The following FLT1 variants were observed in gnomAD, a reference collection of about 807,000 sequenced individuals.
FLT1 encodes the protein vascular endothelial growth factor receptor 1.
In FLT1, 49 loss-of-function variants were observed where a neutral mutation model predicts 156.3. The observed-to-expected ratio is 0.31, with a 90% CI of 0.25 to 0.40. The LOEUF (loss-of-function observed/expected upper bound fraction) is 0.40, where lower values mean the gene tolerates loss of function less well. Ranked by LOEUF, FLT1 falls within the 10% of genes least tolerant of loss-of-function variation. The pLI, the probability that FLT1 is intolerant of heterozygous loss-of-function variation, is 1.00. For missense variants in FLT1, 1,322 were observed against 1,637.2 expected (o/e 0.81, Z 3.32); for synonymous variants, 594 against 583.8 (o/e 1.02, Z -0.25).
chr13:28,428,142 C>T (rs780491095), intron 8 of FLT1, among the ~76,000 whole-genome samples: 10 of 152,018 alleles, frequency 6.6e-5, no homozygotes, highest in East Asian at 3.8e-4. Flanking sequence ...AGAAATAAAG[C>T]GAGCGAAGAT....
chr13:28,493,022 G>C (rs1881554934), intron 1 of FLT1, among the ~76,000 whole-genome samples: 1 of 151,606 alleles, frequency 6.6e-6, no homozygotes, highest in Non-Finnish European at 1.5e-5. Context: ...AAAATCACAA[G>C]AGGATCCCAC....
At chr13:28,377,429 G>T (rs1873886436) in intron 14 of FLT1, among the ~76,000 whole-genome samples, 1 of 144,690 alleles carries the variant, frequency 6.9e-6, no homozygotes, top group African/African-American at 2.4e-5. Flanking sequence ...TTGAGCCATA[G>T]AATTTTTCTG....
intron 14 of FLT1, among the ~76,000 whole-genome samples, chr13:28,374,389 T>C (rs911140305): frequency 9.2e-5 from 14 of 151,772 alleles, no homozygotes; most frequent in African/African-American, 3.4e-4. Context: ...CACTCCAGCC[T>C]GGGAAACAGA....
chr13:28,420,644 G>A (rs1428763216), intron 10 of FLT1, among the ~76,000 whole-genome samples: 1 of 152,136 alleles, frequency 6.6e-6, no homozygotes, highest in African/African-American at 2.4e-5. Context: ...AACTTTCATT[G>A]TGTAGGTGGA....
At chr13:28,477,149 C>T (rs1880594712) in intron 1 of FLT1, among the ~76,000 whole-genome samples, 1 of 152,218 alleles carries the variant, frequency 6.6e-6, no homozygotes, top group Non-Finnish European at 1.5e-5. Context: ...GGAAACATGT[C>T]TTCCGCATGC....
chr13:28,320,481 G>C (rs1318686398), intron 23 of FLT1, among the ~76,000 whole-genome samples: 1 of 151,864 alleles, frequency 6.6e-6, no homozygotes, highest in East Asian at 1.9e-4. Flanking sequence ...GCCCAGGACA[G>C]CTTTGAATGC....
intron 10 of FLT1, among the ~76,000 whole-genome samples, chr13:28,406,627 TTTA>T (rs59281827): frequency 0.057 from 2,937 of 51,188 alleles, 54 homozygotes; most frequent in African/African-American, 0.095. Flanking sequence ...CAAGAGGAAT[TTTA>T]TTATTATTAT....
chr13:28,420,618 AT>A (rs1235363467), intron 10 of FLT1, among the ~76,000 whole-genome samples: 1 of 152,184 alleles, frequency 6.6e-6, no homozygotes, highest in African/African-American at 2.4e-5. Context: ...GACTTTTTCA[AT>A]TTTTATAGTG....
intron 1 of FLT1, among the ~76,000 whole-genome samples, chr13:28,469,692 C>T (rs547170087): frequency 6.6e-6 from 1 of 152,292 alleles, no homozygotes; most frequent in South Asian, 2.1e-4. Flanking sequence ...TTCAAAGATA[C>T]TAAATTAACA....
At chr13:28,391,842 C>G (rs147364558) in intron 12 of FLT1, among the ~76,000 whole-genome samples, 2 of 152,130 alleles carry the variant, frequency 1.3e-5, no homozygotes, top group East Asian at 3.9e-4. Context: ...CCCAGTCTCA[C>G]GGGAGGATTT....
At chr13:28,412,381 T>TTCC (rs1876321644) in intron 10 of FLT1, among the ~76,000 whole-genome samples, 1 of 88,208 alleles carries the variant, frequency 1.1e-5, no homozygotes, top group African/African-American at 3.8e-5. Context: ...TCTTTCTTTC[T>TTCC]TTCTTTCTTT....
chr13:28,303,562 T>C (rs1870611064), intron 29 of FLT1, among the ~76,000 whole-genome samples, 194 bp from the exon 30 acceptor site: 2 of 146,066 alleles, frequency 1.4e-5, no homozygotes, highest in Admixed American at 6.8e-5. Context: ...TCTTAACAGC[T>C]TGGTGTCATT....
rs770007735 is a variant in FLT1, at chr13:28,397,013, A to C, written c.1607T>G (p.Ile536Arg). ...CACAGTCCCAACTTTATTGGAAGCT[A>C]TGCAAATGTAGATTCCAGAAATTCT... The part of the protein sequence containing the change: ...DSRISGIYIC[I>R]ASNKVGTVGR... Residue 536 changes from isoleucine (I) to arginine (R), a missense_variant, in exon 12 of 30, where the codon ATA becomes AGA. By Grantham distance (97) the Ile-to-Arg change is moderately conservative (BLOSUM62 -3). Transcript: ENST00000282397. 5 of 1,613,916 alleles carry C rather than the reference A, an allele frequency of 3.1e-6. No homozygotes were observed. The highest frequency in any genetic ancestry group is 3.4e-6 in the Non-Finnish European group (4 of 1,179,770).
intron 3 of FLT1, among the ~76,000 whole-genome samples, chr13:28,446,402 C>T (rs1464736301): frequency 6.6e-6 from 1 of 152,068 alleles, no homozygotes; most frequent in Non-Finnish European, 1.5e-5. Context: ...CATGATCTTA[C>T]AAAATGCTAA....
chr13:28,445,391 G>A lies in FLT1; in HGVS notation c.389-7046C>T, dbSNP rs112234141. ...CTCAGGAGGCTAAGGCAGGAGAATC[G>A]CTTGAACCCAGGTGGCAGAGGTTGC... is the stretch of plus-strand genomic sequence containing the variant. On this transcript the variant is annotated intron_variant, in intron 3 of 29. Coordinates refer to ENST00000282397, the MANE Select transcript of FLT1 (RefSeq NM_002019.4). 4.8e-3 allele frequency among the ~76,000 whole-genome samples: 733 copies of A among 152,222 alleles called. 10 individuals are homozygous for A. The highest frequency in any genetic ancestry group is 0.017 in the African/African-American group (702 of 41,528).
chr13:28,460,207 C>T (rs1257708574), intron 3 of FLT1, among the ~76,000 whole-genome samples: 9 of 152,196 alleles, frequency 5.9e-5, no homozygotes, highest in African/African-American at 1.2e-4. Context: ...GCAACAGCCA[C>T]GCCTCACAGA....
intron 8 of FLT1, among the ~76,000 whole-genome samples, chr13:28,428,937 T>C (rs1877512420): frequency 6.6e-6 from 1 of 152,212 alleles, no homozygotes; most frequent in Admixed American, 6.5e-5. Flanking sequence ...CTTTAAATTA[T>C]TTCCTACAAC....
chr13:28,436,859 T>C (rs1000249288), intron 4 of FLT1, among the ~76,000 whole-genome samples: 31 of 152,202 alleles, frequency 2.0e-4, no homozygotes, highest in African/African-American at 7.2e-4. Context: ...GGTGGTACTA[T>C]TGTCATTACC....
At chr13:28,372,749 G>A (rs1248529843) in intron 14 of FLT1, among the ~76,000 whole-genome samples, 2 of 151,420 alleles carry the variant, frequency 1.3e-5, no homozygotes, top group East Asian at 3.9e-4. Flanking sequence ...GGGCATGGTG[G>A]TGCGGGCCTG....
Sources: gnomAD v4.1 joint callset for allele counts (sites outside exome capture counted in the v4.1 genomes callset) on GRCh38, gnomAD v4.1.1 for gene constraint, MANE v1.5 for transcripts, NCBI Gene and HGNC (gene_info 2026-07-23, HGNC 2026-07-21) for gene names.